The following STAG2 variants were observed in gnomAD, a reference collection of about 807,000 sequenced individuals.
STAG2 encodes STAG2 cohesin complex component.
A neutral mutation model predicts 108.1 loss-of-function variants in STAG2; 14 were observed. That is an observed-to-expected ratio of 0.13 (90% confidence interval 0.09 to 0.20). The LOEUF (loss-of-function observed/expected upper bound fraction) is 0.20, where lower values mean the gene tolerates loss of function less well. Ranked by LOEUF, STAG2 falls within the 10% of genes least tolerant of loss-of-function variation. STAG2 has a pLI of 1.00. For synonymous variants in STAG2, 307 were observed against 302.7 expected, an observed-to-expected ratio of 1.01 and a Z score of -0.15; for missense variants, 440 against 940.9, an observed-to-expected ratio of 0.47 and a Z score of 6.96.
At chrX:124,093,867 T>C (rs2059316757) in intron 32 of STAG2, 151 bp from the exon 33 acceptor site, 1 of 564,349 alleles carries the variant, frequency 1.8e-6, no homozygotes, top group African/African-American at 2.3e-5. Context: ...TTTGATATCA[T>C]TGATGACATA....
At position 124,065,950 on chromosome X, in the gene STAG2, A is replaced by G; in HGVS notation, c.2096+4A>G. ...AGAGGATCACTGCTTTTCATAAGTA[A>G]GTTGAATTTTGAAGTTCCTGTTTTC... On this transcript the variant is annotated splice_donor_region_variant and intron_variant, in intron 21 of 34. Transcript: ENST00000371145. 1 of 1,163,496 alleles carries G rather than the reference A, an allele frequency of 8.6e-7. No homozygotes were observed.
chrX:124,040,854 CTTTTT>C (rs1163780101), intron 6 of STAG2, among the ~76,000 whole-genome samples: 1 of 76,641 alleles, frequency 1.3e-5, no homozygotes, highest in African/African-American at 5.1e-5. Context: ...CCTCTTCTCT[CTTTTT>C]TTTTTTTTTT....
chrX:124,070,132 C>G (rs904685091), intron 24 of STAG2, among the ~76,000 whole-genome samples: 8 of 111,458 alleles, frequency 7.2e-5, no homozygotes, highest in Admixed American at 3.8e-4. Context: ...CAGAATGTGT[C>G]CTGGTCAGCT....
intron 7 of STAG2, 108 bp downstream of exon 7, chrX:124,042,753 C>A: frequency 1.7e-6 from 1 of 574,246 alleles, no homozygotes; most frequent in Non-Finnish European, 2.8e-6. Flanking sequence ...TGGCTCATGC[C>A]TGTAATCCCA....
chrX:124,085,554 C>G, intron 29 of STAG2, among the ~76,000 whole-genome samples: 1 of 110,193 alleles, frequency 9.1e-6, no homozygotes, highest in Non-Finnish European at 1.9e-5. Context: ...TTTGGGAGGT[C>G]AAGGCGGGCA....
chrX:124,001,683 T>G (rs945120362), intron 1 of STAG2, among the ~76,000 whole-genome samples: 2 of 112,099 alleles, frequency 1.8e-5, no homozygotes, highest in Non-Finnish European at 3.8e-5. Flanking sequence ...TACAGTAACA[T>G]ACTGTATAGG....
intron 1 of STAG2, among the ~76,000 whole-genome samples, chrX:123,964,961 T>C (rs1230633647): frequency 1.6e-5 from 1 of 60,641 alleles, no homozygotes; most frequent in Non-Finnish European, 3.0e-5. Flanking sequence ...GGTAAGTGCC[T>C]TTTTTTTTTT....
At chrX:124,073,556 G>A (rs1273628465) in intron 25 of STAG2, among the ~76,000 whole-genome samples, 1 of 111,219 alleles carries the variant, frequency 9.0e-6, no homozygotes, top group Non-Finnish European at 1.9e-5. Flanking sequence ...TGGAGTAGCT[G>A]GGACTCAAGC....
intron 5 of STAG2, 106 bp from the exon 6 acceptor site, chrX:124,037,416 TTAAAG>T (rs2057552985): frequency 3.6e-6 from 1 of 280,675 alleles, no homozygotes; most frequent in African/African-American, 2.8e-5. Flanking sequence ...AGTATTTATA[TTAAAG>T]TAATGTGATA....
At chrX:124,088,240 CT>C (rs1048229777) in intron 30 of STAG2, among the ~76,000 whole-genome samples, 41 of 104,836 alleles carry the variant, frequency 3.9e-4, no homozygotes, top group African/African-American at 7.6e-4. Flanking sequence ...AGAAATCTCT[CT>C]TTTTTTTTTA....
intron 11 of STAG2, 22 bp from the exon 12 acceptor site, chrX:124,051,099 C>CTTTTTTT: frequency 3.8e-6 from 2 of 525,580 alleles, no homozygotes; most frequent in Non-Finnish European, 2.9e-6. Context: ...ATTGTCTCAT[C>CTTTTTTT]TTTTTTTTTT....
chrX:123,960,803 AAAG>A (rs1465212256), upstream of STAG2: 2 of 109,107 alleles, frequency 1.8e-5, no homozygotes, highest in African/African-American at 3.4e-5. Flanking sequence ...CCGGCCTGAG[AAAG>A]AAGGAGGAGT....
chrX:124,074,065 T>C (rs1410394088), intron 25 of STAG2, among the ~76,000 whole-genome samples: 1 of 112,558 alleles, frequency 8.9e-6, no homozygotes, highest in South Asian at 3.6e-4. Context: ...TTGAACATTT[T>C]GCAATTTACC....
intron 4 of STAG2, among the ~76,000 whole-genome samples, chrX:124,028,768 T>C (rs2057191837): frequency 1.0e-5 from 1 of 100,236 alleles, no homozygotes; most frequent in Admixed American, 1.1e-4. Flanking sequence ...CTTGTTTTTG[T>C]ACTGTCCAGG....
intron 19 of STAG2, 55 bp downstream of exon 19, chrX:124,063,260 A>G (rs1318585313): frequency 1.1e-5 from 10 of 887,828 alleles, no homozygotes; most frequent in Non-Finnish European, 1.1e-5. Context: ...AGTTCATTAT[A>G]TCATAGCGTT....
intron 1 of STAG2, among the ~76,000 whole-genome samples, chrX:123,972,518 G>GC (rs1569488297): frequency 9.2e-6 from 1 of 108,811 alleles, no homozygotes; most frequent in Non-Finnish European, 1.9e-5. Flanking sequence ...TGATCCGCCC[G>GC]CCTCGGCCTC....
chrX:124,039,354 A>G (rs962734605), intron 6 of STAG2, among the ~76,000 whole-genome samples: 5 of 109,092 alleles, frequency 4.6e-5, no homozygotes, highest in African/African-American at 1.7e-4. Flanking sequence ...TTTTGTGGAC[A>G]TGGGGTTTTG....
intron 25 of STAG2, among the ~76,000 whole-genome samples, chrX:124,071,997 T>A (rs1343585476): frequency 3.6e-5 from 4 of 111,354 alleles, no homozygotes; most frequent in Non-Finnish European, 7.5e-5. Flanking sequence ...TGTTTTTAGT[T>A]TGAAGGTATA....
chrX:124,082,561 T>C (rs1427703425), intron 28 of STAG2, among the ~76,000 whole-genome samples: 1 of 110,649 alleles, frequency 9.0e-6, no homozygotes, highest in African/African-American at 3.3e-5. Flanking sequence ...ATTATTATTA[T>C]TATTTTGTTT....
Sources: gnomAD v4.1 joint callset for allele counts (sites outside exome capture counted in the v4.1 genomes callset) on GRCh38, gnomAD v4.1.1 for gene constraint, MANE v1.5 for transcripts, NCBI Gene and HGNC (gene_info 2026-07-23, HGNC 2026-07-21) for gene names.